PTPRM: variants seen among roughly 807,000 people sequenced by gnomAD.
The protein encoded by PTPRM is protein tyrosine phosphatase receptor type M.
In PTPRM, 47 loss-of-function variants were observed where a neutral mutation model predicts 186.7. The observed-to-expected ratio is 0.25, with a 90% CI of 0.20 to 0.32. PTPRM has a LOEUF of 0.32. PTPRM is among the 10% of genes least tolerant of loss of function. The pLI, the probability that PTPRM is intolerant of heterozygous loss-of-function variation, is 1.00. For missense variants in PTPRM, 1,494 were observed against 1,865.0 expected, an observed-to-expected ratio of 0.80 and a Z score of 3.66; for synonymous variants, 668 against 674.9, an observed-to-expected ratio of 0.99 and a Z score of 0.16.
At chr18:7,575,151 T>C (rs1328265697) in intron 1 of PTPRM, among the ~76,000 whole-genome samples, 5 of 152,226 alleles carry the variant, frequency 3.3e-5, no homozygotes, top group Admixed American at 3.3e-4. Context: ...ATTGCATCTC[T>C]GTCATTTAAC....
intron 29 of PTPRM, 32 bp downstream of exon 29, chr18:8,380,459 G>C: frequency 6.2e-7 from 1 of 1,612,820 alleles, no homozygotes; most frequent in Non-Finnish European, 8.5e-7. Context: ...GTCAGAACTA[G>C]TGCCAGGGGG....
intron 14 of PTPRM, 62 bp from the exon 15 acceptor site, chr18:8,243,996 C>G (rs968206258): frequency 1.4e-5 from 21 of 1,469,116 alleles, no homozygotes; most frequent in Non-Finnish European, 1.9e-5. Context: ...TGTCAATATA[C>G]ATGCCAAAGC....
At chr18:8,171,478 A>G (rs915464447) in intron 14 of PTPRM, among the ~76,000 whole-genome samples, 8 of 152,218 alleles carry the variant, frequency 5.3e-5, no homozygotes, top group Admixed American at 1.3e-4. Context: ...GTCACTCTGT[A>G]AACAGCTTGG....
At chr18:8,289,287 C>A (rs1293298571) in intron 19 of PTPRM, among the ~76,000 whole-genome samples, 3 of 151,406 alleles carry the variant, frequency 2.0e-5, no homozygotes, top group Non-Finnish European at 4.4e-5. Context: ...GTGGAAAAGG[C>A]ACTTGTAAAA....
At chr18:7,857,092 TC>T (rs1567923918) in intron 2 of PTPRM, among the ~76,000 whole-genome samples, 2 of 152,162 alleles carry the variant, frequency 1.3e-5, no homozygotes, top group Non-Finnish European at 2.9e-5. Flanking sequence ...ACTTCTTGAA[TC>T]CTGCAGAATG....
rs762405557 is a variant in PTPRM, at chr18:7,949,307, A to C, written c.790A>C (p.Thr264Pro). ...TGGAAAGTACCGCTGCATGATTCGC[A>C]CTGAAGGAGGTGTTGGAATATCAAA... is the stretch of plus-strand genomic sequence containing the variant. Reference protein sequence around the residue: ...DAGKYRCMIRTEGGVGISNYA... With the variant: ...DAGKYRCMIRPEGGVGISNYA... Residue 264 changes from threonine to proline, a missense_variant, in exon 6 of 33, where the codon ACT becomes CCT. Around this residue, in one of 3 missense-constraint regions of PTPRM, gnomAD observed 296 missense variants for 345.5 expected, o/e 0.86. Coordinates refer to ENST00000580170, the MANE Select transcript of PTPRM (RefSeq NM_001105244.2). The C allele has an allele frequency of 1.2e-6, 2 of 1,614,176 alleles. No homozygotes were observed. The highest frequency in any genetic ancestry group is 1.7e-5 in the Admixed American group (1 of 60,018).
At chr18:7,920,530 G>C (rs2050798855) in intron 4 of PTPRM, among the ~76,000 whole-genome samples, 1 of 152,080 alleles carries the variant, frequency 6.6e-6, no homozygotes, top group Non-Finnish European at 1.5e-5. Flanking sequence ...GTTTCAGTTT[G>C]CGTGTTTTTA....
At chr18:8,097,675 C>G (rs151242140) in intron 11 of PTPRM, among the ~76,000 whole-genome samples, 2 of 152,236 alleles carry the variant, frequency 1.3e-5, no homozygotes, top group Non-Finnish European at 2.9e-5. Flanking sequence ...ACAGGAGAAT[C>G]AGGAGTGTCT....
chr18:7,664,825 A>G (rs2039061250), intron 1 of PTPRM, among the ~76,000 whole-genome samples: 1 of 152,212 alleles, frequency 6.6e-6, no homozygotes, highest in Non-Finnish European at 1.5e-5. Flanking sequence ...TTTACAAAAT[A>G]CTATCTGCCA....
intron 1 of PTPRM, among the ~76,000 whole-genome samples, chr18:7,757,553 C>A (rs1250757812): frequency 6.6e-6 from 1 of 152,104 alleles, no homozygotes; most frequent in Non-Finnish European, 1.5e-5. Flanking sequence ...AGCAGGTGGG[C>A]GTTTCTGCAG....
At chr18:7,802,013 G>A (rs1267932105) in intron 2 of PTPRM, among the ~76,000 whole-genome samples, 4 of 152,172 alleles carry the variant, frequency 2.6e-5, no homozygotes, top group Non-Finnish European at 4.4e-5. Flanking sequence ...AGAGTATAGT[G>A]GAGAAAGTAC....
intron 10 of PTPRM, among the ~76,000 whole-genome samples, chr18:8,087,385 T>G (rs994710469): frequency 2.6e-5 from 4 of 152,062 alleles, no homozygotes; most frequent in Non-Finnish European, 5.9e-5. Context: ...CGAGACTGGG[T>G]AACTTATAAA....
intron 1 of PTPRM, among the ~76,000 whole-genome samples, chr18:7,718,278 C>T (rs185158637): frequency 5.9e-4 from 90 of 152,192 alleles, no homozygotes; most frequent in African/African-American, 2.1e-3. Context: ...GCCAACTGAG[C>T]TTAGACAAAG....
At chr18:8,347,482 T>C (rs987782935) in intron 23 of PTPRM, among the ~76,000 whole-genome samples, 1 of 152,124 alleles carries the variant, frequency 6.6e-6, no homozygotes, top group African/African-American at 2.4e-5. Context: ...AATTACACAC[T>C]AAAGCCCACT....
At chr18:7,832,157 G>A (rs1019240401) in intron 2 of PTPRM, among the ~76,000 whole-genome samples, 5 of 152,104 alleles carry the variant, frequency 3.3e-5, no homozygotes, top group Non-Finnish European at 7.4e-5. Context: ...TGGGATTGCT[G>A]GATCCTATGG....
chr18:8,144,603 A>G (rs1041909452), intron 14 of PTPRM, among the ~76,000 whole-genome samples: 1 of 139,504 alleles, frequency 7.2e-6, no homozygotes, highest in Admixed American at 7.0e-5. Context: ...GTCTCCAAAA[A>G]CAAACAAACA....
chr18:8,277,383 A>T (rs190166863), intron 19 of PTPRM, among the ~76,000 whole-genome samples: 29 of 152,320 alleles, frequency 1.9e-4, no homozygotes, highest in African/African-American at 5.1e-4. Context: ...AGTCAGACTT[A>T]CCTAGTGTTG....
chr18:7,931,272 T>A (rs1568030721), intron 5 of PTPRM, among the ~76,000 whole-genome samples: 1 of 152,202 alleles, frequency 6.6e-6, no homozygotes, highest in Non-Finnish European at 1.5e-5. Context: ...GATCACTTTT[T>A]GAGCCCACAT....
chr18:8,114,859 T>G, intron 13 of PTPRM, 32 bp downstream of exon 13: 1 of 1,579,848 alleles, frequency 6.3e-7, no homozygotes, highest in South Asian at 1.1e-5. Flanking sequence ...TTCTCCTAAT[T>G]AATGTTCCTT....
Sources: gnomAD v4.1 joint callset for allele counts (sites outside exome capture counted in the v4.1 genomes callset) on GRCh38, gnomAD v4.1.1 for gene constraint, gnomAD v4.1.1 regional missense constraint, MANE v1.5 for transcripts, NCBI Gene and HGNC (gene_info 2026-07-23, HGNC 2026-07-21) for gene names.